RSRP1: variants seen among roughly 807,000 people sequenced by gnomAD.
RSRP1 encodes arginine/serine-rich protein 1.
In RSRP1, 37 loss-of-function variants were observed where a neutral mutation model predicts 33.0. The ratio of observed to expected loss-of-function variants is 1.12; its 90% CI spans 0.86 to 1.48. RSRP1 has a LOEUF of 1.48. Among genes scored for constraint, RSRP1 ranks in the 40% most tolerant of loss-of-function variants. The probability of loss-of-function intolerance (pLI) is 0.00; values close to 1 mark genes in which losing one functional copy is unlikely to be tolerated. For synonymous variants in RSRP1, 167 were observed against 158.7 expected, an observed-to-expected ratio of 1.05 and a Z score of -0.40; for missense variants, 402 against 385.3, an observed-to-expected ratio of 1.04 and a Z score of -0.36.
At chr1:25,247,072 C>CG (rs1422076002) in intron 1 of RSRP1, 43 bp from the exon 2 acceptor site, 3 of 1,196,616 alleles carry the variant, frequency 2.5e-6, no homozygotes. Flanking sequence ...TCGCGGAAGC[C>CG]GGCGCCTGGC....
chr1:25,296,540 C>G (rs1300223054), intron 1 of RSRP1, among the ~76,000 whole-genome samples: 5 of 128,348 alleles, frequency 3.9e-5, no homozygotes, highest in African/African-American at 1.3e-4. Flanking sequence ...CCACCATAAC[C>G]GGCCTCAGTG....
rs112224430 is a variant in RSRP1, at chr1:25,290,603, T to C, written c.-66-43574A>G. 4.1e-3 allele frequency: 5,498 copies of C among 1,330,364 alleles called. 898 individuals are homozygous for C. In the African/African-American group the frequency reaches 0.065, roughly 16 times the overall value. 82.4% of individuals were successfully genotyped at this position (1,330,364 alleles called of 1,614,324 possible). On this transcript the variant is annotated intron_variant, in intron 1 of 1. Coordinates refer to the RSRP1 transcript ENST00000561867. ...TGAATGAATGAGTGAGAGGCATCCT[T>C]CCTTCTCAGTCGTCCTGGCTCTCCC... is the stretch of plus-strand genomic sequence containing the variant.
chr1:25,307,112 C>T lies in RSRP1; in HGVS notation c.-67+30866G>A, dbSNP rs769648227. ...GCTGGGCATGTGGCTTAACCTTTCTCAGCCTCAGTCGCCCCATTGTAAATG... is the reference window on the plus strand; with the variant it reads ...GCTGGGCATGTGGCTTAACCTTTCTTAGCCTCAGTCGCCCCATTGTAAATG... On this transcript the variant is annotated intron_variant, in intron 1 of 1. Coordinates refer to the RSRP1 transcript ENST00000561867. Among the ~76,000 whole-genome samples the T allele has an allele frequency of 2.3e-5, 3 of 132,742 alleles. 1 individual carries two copies. Among genetic ancestry groups the T allele is most frequent in the Non-Finnish European group, 5.3e-5 (3 of 56,102 alleles). 87.1% of individuals were successfully genotyped at this position (132,742 alleles called of 152,430 possible).
chr1:25,313,504 GAT>G lies in RSRP1; in HGVS notation c.-67+24472_-67+24473del, dbSNP rs1644275402. ...CATTGCTGTACCCTTTTTCCACTGG[GAT>G]ATAGTGTTCTGTCATGCTTGGGTCT... On this transcript the variant is annotated intron_variant, in intron 1 of 1. Transcript: ENST00000561867. 1.5e-5 allele frequency among the ~76,000 whole-genome samples: 2 copies of G among 132,102 alleles called. 1 individual carries two copies. The highest frequency in any genetic ancestry group is 3.6e-5 in the Non-Finnish European group (2 of 55,780). The allele number at this position is 132,102 out of a possible 152,430, so 86.7% of individuals were successfully genotyped here. A position where few individuals can be genotyped will look rare whatever the true frequency, so the allele number is the denominator to read the frequency against.
chr1:25,268,172 CA>C (rs1455619289), intron 1 of RSRP1, among the ~76,000 whole-genome samples: 1 of 133,654 alleles, frequency 7.5e-6, no homozygotes, highest in Non-Finnish European at 1.8e-5. Flanking sequence ...CCACAGCAGT[CA>C]AAAGTCCCTG....
intron 4 of RSRP1, 68 bp from the exon 5 acceptor site, chr1:25,242,773 C>T: frequency 9.1e-7 from 1 of 1,100,016 alleles, no homozygotes; most frequent in Non-Finnish European, 1.3e-6. Flanking sequence ...AAAAAAAGTA[C>T]ATTAAATAAT....
At chr1:25,321,278 T>C (rs1644683263) in intron 1 of RSRP1, among the ~76,000 whole-genome samples, 1 of 123,618 alleles carries the variant, frequency 8.1e-6, no homozygotes, top group South Asian at 2.5e-4. Context: ...TTTTACTCCA[T>C]CTGGGGAAGG....
chr1:25,291,103 C>A (rs1316683794), intron 1 of RSRP1, among the ~76,000 whole-genome samples: 1 of 130,146 alleles, frequency 7.7e-6, no homozygotes, highest in Non-Finnish European at 1.8e-5. Context: ...CCGAGCTGGG[C>A]AACATAGCAA....
chr1:25,279,071 C>T (rs1459748655), intron 1 of RSRP1, among the ~76,000 whole-genome samples: 1 of 129,470 alleles, frequency 7.7e-6, no homozygotes, highest in East Asian at 2.0e-4. Context: ...TCCAGAATCA[C>T]GGAGGCAGCT....
chr1:25,319,202 T>A (rs1338686333), intron 1 of RSRP1, among the ~76,000 whole-genome samples: 1 of 131,880 alleles, frequency 7.6e-6, no homozygotes, highest in African/African-American at 2.6e-5. Context: ...TACCAGGAGG[T>A]CTTTTCTTAT....
chr1:25,322,385 A>C (rs1644759439), intron 1 of RSRP1, among the ~76,000 whole-genome samples: 1 of 133,232 alleles, frequency 7.5e-6, no homozygotes, highest in Non-Finnish European at 1.8e-5. Flanking sequence ...TCAAGATCTT[A>C]CAACTGGCTG....
rs376964343 is a variant in RSRP1, at chr1:25,298,720, G to C, written c.-67+39258C>G. Among the ~76,000 whole-genome samples, 10 of 131,442 alleles carry C rather than the reference G, an allele frequency of 7.6e-5. 4 individuals carry two copies. Among genetic ancestry groups the C allele is most frequent in the East Asian group, 5.9e-4 (3 of 5,110 alleles). 86.2% of individuals were successfully genotyped at this position (131,442 alleles called of 152,430 possible). A position where few individuals can be genotyped will look rare whatever the true frequency, so the allele number is the denominator to read the frequency against. On this transcript the variant is annotated intron_variant, in intron 1 of 1. Coordinates refer to the RSRP1 transcript ENST00000561867. The stretch of plus-strand genomic sequence containing the variant: ...TATTTGGTATTTACTATATACCAGG[G>C]ACTCTTGTGGCAGTGGAAAATACAA...
At chr1:25,338,174 A>G (rs1571791372), upstream of RSRP1, 1 of 151,920 alleles carries the variant, frequency 6.6e-6, no homozygotes, top group South Asian at 2.1e-4. Flanking sequence ...CCAAACTAGC[A>G]CTCCCGACGT....
chr1:25,314,184 C>T lies in RSRP1; in HGVS notation c.-67+23794G>A, dbSNP rs904762005. On this transcript the variant is annotated intron_variant, in intron 1 of 1. Transcript: ENST00000561867. ...CTAAACAATTTTCTCTAGTAGTTTG[C>T]GCCAATCTAATCACCAGTAGTGTAT... Among the ~76,000 whole-genome samples the T allele has an allele frequency of 4.5e-5, 6 of 132,886 alleles. 1 individual carries two copies. Among genetic ancestry groups the T allele is most frequent in the African/African-American group, 7.7e-5 (3 of 38,970 alleles). 87.2% of individuals were successfully genotyped at this position (132,886 alleles called of 152,430 possible).
chr1:25,248,063 G>C (rs887843825), upstream of RSRP1: 1 of 152,336 alleles, frequency 6.6e-6, no homozygotes, highest in African/African-American at 2.4e-5. Context: ...CCCTCCCCCG[G>C]AACACCCCAA....
upstream of RSRP1, chr1:25,248,133 G>A (rs1475624229): frequency 6.6e-6 from 1 of 152,244 alleles, no homozygotes; most frequent in African/African-American, 2.4e-5. Context: ...TTTTGGCTAG[G>A]AAGGTAATAA....
intron 1 of RSRP1, among the ~76,000 whole-genome samples, chr1:25,288,441 A>G (rs1249862327): frequency 7.8e-6 from 1 of 128,152 alleles, no homozygotes; most frequent in African/African-American, 2.7e-5. Flanking sequence ...CAGCCTCCCA[A>G]AGTGCGAAGA....
At chr1:25,311,593 A>T (rs867673225) in intron 1 of RSRP1, among the ~76,000 whole-genome samples, 1 of 130,152 alleles carries the variant, frequency 7.7e-6, no homozygotes, top group Non-Finnish European at 1.8e-5. Flanking sequence ...GTTCATCAGG[A>T]CAAGGGAGAA....
Position 25,306,822 on chromosome 1 carries a change from C to T in RSRP1, c.-67+31156G>A, listed in dbSNP as rs766831672. On this transcript the variant is annotated intron_variant, in intron 1 of 1. Coordinates refer to the RSRP1 transcript ENST00000561867. Reference sequence around the variant, plus strand: ...AGTCCTTAGCTGGGGCGTGTGCACTCGGGGCCAGGTGCTCAGTAGGCTTCG... The same window carrying T: ...AGTCCTTAGCTGGGGCGTGTGCACTTGGGGCCAGGTGCTCAGTAGGCTTCG... The T allele has an allele frequency of 1.7e-5, 19 of 1,136,202 alleles. 4 individuals carry two copies. The highest frequency in any genetic ancestry group is 3.0e-5 in the African/African-American group (2 of 66,434). The allele number at this position is 1,136,202 out of a possible 1,614,324, so 70.4% of individuals were successfully genotyped here.
Sources: gnomAD v4.1 joint callset for allele counts (sites outside exome capture counted in the v4.1 genomes callset) on GRCh38, gnomAD v4.1.1 for gene constraint, MANE v1.5 for transcripts, NCBI Gene and HGNC (gene_info 2026-07-23, HGNC 2026-07-21) for gene names.